The following NCOA6 variants were observed in gnomAD, a reference collection of about 807,000 sequenced individuals.
NCOA6 encodes nuclear receptor coactivator 6.
Under a neutral mutation model 171.4 loss-of-function variants are expected in NCOA6, and 49 were observed. The observed-to-expected ratio is 0.29, with a 90% CI of 0.23 to 0.36. NCOA6 has a LOEUF of 0.36. NCOA6 is among the 10% of genes least tolerant of loss of function. The pLI is 1.00. For missense variants in NCOA6, 2,248 were observed against 2,554.5 expected, an observed-to-expected ratio of 0.88 and a Z score of 2.59; for synonymous variants, 910 against 927.5, an observed-to-expected ratio of 0.98 and a Z score of 0.34.
At chr20:34,803,339 G>A (rs963706917) in intron 1 of NCOA6, among the ~76,000 whole-genome samples, 11 of 151,560 alleles carry the variant, frequency 7.3e-5, no homozygotes, top group African/African-American at 2.4e-4. Context: ...GTGGTGGCCT[G>A]CACCTGTAAT....
chr20:34,718,177 A>G (rs1263461089), intron 14 of NCOA6, among the ~76,000 whole-genome samples: 1 of 152,200 alleles, frequency 6.6e-6, no homozygotes, highest in Non-Finnish European at 1.5e-5. Context: ...AGAAGGATGT[A>G]AACTTTCATA....
At chr20:34,724,037 G>A (rs1989675836) in intron 14 of NCOA6, among the ~76,000 whole-genome samples, 1 of 152,174 alleles carries the variant, frequency 6.6e-6, no homozygotes, top group Non-Finnish European at 1.5e-5. Context: ...TTTTCCCATA[G>A]AACTCTAGGC....
At chr20:34,796,076 T>TCA (rs1008392277) in intron 1 of NCOA6, among the ~76,000 whole-genome samples, 1 of 144,812 alleles carries the variant, frequency 6.9e-6, no homozygotes, top group African/African-American at 2.6e-5. Flanking sequence ...GGTGGCATGA[T>TCA]CACAGCTCAC....
chr20:34,795,272 A>C (rs2078026472), intron 1 of NCOA6, among the ~76,000 whole-genome samples: 1 of 152,202 alleles, frequency 6.6e-6, no homozygotes, highest in Admixed American at 6.5e-5. Context: ...CGAATTGCAA[A>C]GGGGAAAAAC....
At chr20:34,809,001 T>C (rs566071162) in intron 1 of NCOA6, among the ~76,000 whole-genome samples, 1 of 152,336 alleles carries the variant, frequency 6.6e-6, no homozygotes, top group Admixed American at 6.5e-5. Flanking sequence ...CCTGCCCTTC[T>C]CTGAGATCGT....
chr20:34,775,553 T>C (rs539630235), intron 4 of NCOA6, among the ~76,000 whole-genome samples: 29 of 150,944 alleles, frequency 1.9e-4, no homozygotes, highest in African/African-American at 7.1e-4. Context: ...GGCATGGTAG[T>C]ACATGCCTGT....
intron 2 of NCOA6, among the ~76,000 whole-genome samples, chr20:34,787,360 C>CA (rs1169931223): frequency 7.9e-5 from 12 of 151,554 alleles, no homozygotes; most frequent in African/African-American, 1.9e-4. Flanking sequence ...CCCGACTCTA[C>CA]AAAAAAAATT....
chr20:34,746,787 T>A lies in NCOA6; in HGVS notation c.2914+20A>T, dbSNP rs1364304517. On this transcript the variant is annotated intron_variant, in intron 10 of 14. Transcript: ENST00000359003. ...ACATGCACATGTAATAAGTATATAA[T>A]CTAGCTAACATTTTATCACCTGGTG... 6.3e-7 allele frequency: 1 copy of A among 1,599,872 alleles called. No homozygotes were observed. The highest frequency in any genetic ancestry group is 1.3e-5 in the African/African-American group (1 of 74,500).
At chr20:34,811,201 G>GTATGTATATATATATATATATATATATA (rs1244311939) in intron 1 of NCOA6, among the ~76,000 whole-genome samples, 2 of 53,798 alleles carry the variant, frequency 3.7e-5, no homozygotes, top group Non-Finnish European at 3.7e-5. Context: ...ACAACAACGT[G>GTATGTATATATATATATATATATATATA]TATATATATA....
intron 12 of NCOA6, among the ~76,000 whole-genome samples, chr20:34,736,268 A>G (rs1568730829): frequency 6.6e-6 from 1 of 152,332 alleles, no homozygotes; most frequent in East Asian, 1.9e-4. Context: ...CAGAGACTCA[A>G]TGAACAAGAC....
chr20:34,808,175 G>A (rs2078526812), intron 1 of NCOA6, among the ~76,000 whole-genome samples: 1 of 151,492 alleles, frequency 6.6e-6, no homozygotes, highest in African/African-American at 2.4e-5. Flanking sequence ...AAGAAACAGT[G>A]TCTTGCTATG....
intron 9 of NCOA6, among the ~76,000 whole-genome samples, chr20:34,748,273 G>A (rs759457453): frequency 6.6e-6 from 1 of 152,060 alleles, no homozygotes; most frequent in Non-Finnish European, 1.5e-5. Flanking sequence ...AGAAAAATTA[G>A]ATAATTAACT....
rs779189070 is a variant in NCOA6 at position 34,757,645 on chromosome 20, G to A, written c.1103C>T (p.Thr368Met). The change falls in exon 7 of 15, where the codon ACG (threonine) becomes ATG (methionine). Residue 368 changes from threonine (T) to methionine (M), a missense_variant. Transcript: ENST00000359003. ...QARPSLATVQTPSHPPPPYPF... is the reference protein window; with the variant it reads ...QARPSLATVQMPSHPPPPYPF... ...ATATGGAGGGGGAGGGTGGGAAGGC[G>A]TCTGTACCGTGGCTAAGGATGGTCT... The A allele has an allele frequency of 1.3e-5, 21 of 1,613,994 alleles. No homozygotes were observed. The highest frequency in any genetic ancestry group is 5.5e-5 in the South Asian group (5 of 91,086).
chr20:34,814,722 G>A (rs764883105), intron 1 of NCOA6, among the ~76,000 whole-genome samples: 5 of 152,114 alleles, frequency 3.3e-5, no homozygotes, highest in South Asian at 2.1e-4. Flanking sequence ...CTCCCAAGTA[G>A]CTGGGATTAC....
At chr20:34,758,128 C>A in intron 6 of NCOA6, 24 bp from the exon 7 acceptor site, 1 of 1,576,748 alleles carries the variant, frequency 6.3e-7, no homozygotes, top group Non-Finnish European at 8.6e-7. Context: ...GTCAACAAAG[C>A]AATAATTAAC....
At chr20:34,809,656 C>T (rs1428544859) in intron 1 of NCOA6, 4 of 388,330 alleles carry the variant, frequency 1.0e-5, no homozygotes, top group Non-Finnish European at 1.8e-5. Flanking sequence ...ACTGTTTCTG[C>T]TAATTTTACT....
At chr20:34,725,278 A>G (rs1224255440) in intron 14 of NCOA6, among the ~76,000 whole-genome samples, 1 of 152,252 alleles carries the variant, frequency 6.6e-6, no homozygotes, top group Non-Finnish European at 1.5e-5. Context: ...CCAAGTATAC[A>G]TACTAATTAC....
chr20:34,811,230 T>TATATATATATATATATATAG, intron 1 of NCOA6, among the ~76,000 whole-genome samples: 1 of 139,470 alleles, frequency 7.2e-6, no homozygotes, highest in African/African-American at 2.6e-5. Flanking sequence ...TATATATATA[T>TATATATATATATATATATAG]ATATATGCTT....
chr20:34,735,403 T>G (rs2075920993), intron 12 of NCOA6, among the ~76,000 whole-genome samples: 1 of 152,140 alleles, frequency 6.6e-6, no homozygotes, highest in Non-Finnish European at 1.5e-5. Flanking sequence ...CCCAGCACTT[T>G]GGGAGGACGA....
Sources: allele counts gnomAD v4.1 joint callset (sites outside exome capture counted in the v4.1 genomes callset), GRCh38; gene constraint gnomAD v4.1.1; transcripts MANE v1.5; gene names NCBI Gene and HGNC (gene_info 2026-07-23, HGNC 2026-07-21).